DGKK: variants seen among roughly 807,000 people sequenced by gnomAD.
DGKK encodes 142 kDa diacylglycerol kinase.
Under a neutral mutation model 92.2 loss-of-function variants are expected in DGKK, and 35 were observed. That is an observed-to-expected ratio of 0.38 (90% confidence interval 0.29 to 0.50). The LOEUF (loss-of-function observed/expected upper bound fraction) is 0.50, where lower values mean the gene tolerates loss of function less well. Among genes scored for constraint, DGKK ranks in the 20% least tolerant of loss-of-function variants. The pLI is 0.92. For missense variants in DGKK, 910 were observed against 992.2 expected, an observed-to-expected ratio of 0.92 and a Z score of 1.11; for synonymous variants, 368 against 360.6, an observed-to-expected ratio of 1.02 and a Z score of -0.23.
intron 1 of DGKK, among the ~76,000 whole-genome samples, chrX:50,462,782 G>C (rs894132957): frequency 9.5e-6 from 1 of 105,324 alleles, no homozygotes; most frequent in African/African-American, 3.4e-5. Flanking sequence ...CTCCCTAGTA[G>C]GATTTTTCTT....
chrX:50,419,204 T>C (rs1925510519), intron 4 of DGKK, among the ~76,000 whole-genome samples: 2 of 111,653 alleles, frequency 1.8e-5, no homozygotes, highest in Admixed American at 9.5e-5. Context: ...GATCTCTCAA[T>C]TTAAGCATAT....
chrX:50,469,183 A>G (rs1402590465), intron 1 of DGKK, among the ~76,000 whole-genome samples: 1 of 111,120 alleles, frequency 9.0e-6, no homozygotes, highest in African/African-American at 3.3e-5. Flanking sequence ...ACTGGTAGAG[A>G]TGAAGGTTCC....
At chrX:50,462,390 C>CTTTTTTTTTTTTTTTTTTTTTTGGGTTTT (rs782504562) in intron 1 of DGKK, among the ~76,000 whole-genome samples, 1 of 60,493 alleles carries the variant, frequency 1.7e-5, no homozygotes, top group African/African-American at 7.4e-5. Context: ...GAAGTGAGTG[C>CTTTTTTTTTTTTTTTTTTTTTTGGGTTTT]TTTTTTTTTT....
chrX:50,370,400 C>T (rs782384452), intron 27 of DGKK, 26 bp downstream of exon 27: 2 of 1,179,155 alleles, frequency 1.7e-6, no homozygotes, highest in African/African-American at 3.5e-5. Flanking sequence ...GTCTTCATGA[C>T]CCCTCTGCCT....
intron 4 of DGKK, among the ~76,000 whole-genome samples, chrX:50,407,237 T>C (rs180937549): frequency 7.6e-4 from 85 of 111,953 alleles, no homozygotes; most frequent in Non-Finnish European, 1.2e-3. Context: ...TATAGTAATA[T>C]GTGATAGGGA....
Position 50,407,885 on chromosome X carries a change from C to A in DGKK, c.943-3701G>T, listed in dbSNP as rs1364175344. 8.0e-5 allele frequency among the ~76,000 whole-genome samples: 9 copies of A among 112,423 alleles called. No homozygotes were observed. The Admixed American group carries it at 8.4e-4, about 11-fold the overall frequency. Reference sequence around the variant, plus strand: ...TTCAGCAGAACACTGTCAGATTGGACTGAACTTGGACTTAAGGGTACAGAT... The same window carrying A: ...TTCAGCAGAACACTGTCAGATTGGAATGAACTTGGACTTAAGGGTACAGAT... On this transcript the variant is annotated intron_variant, in intron 4 of 27. Coordinates refer to ENST00000611977, the MANE Select transcript of DGKK (RefSeq NM_001013742.4).
chrX:50,399,785 C>T (rs1183137675), intron 8 of DGKK, among the ~76,000 whole-genome samples: 6 of 111,777 alleles, frequency 5.4e-5, no homozygotes, highest in Admixed American at 4.8e-4. Flanking sequence ...TGATTTTGAT[C>T]TTGACAGTTC....
At chrX:50,430,306 G>A (rs1925855135) in intron 1 of DGKK, among the ~76,000 whole-genome samples, 1 of 112,052 alleles carries the variant, frequency 8.9e-6, no homozygotes, top group Non-Finnish European at 1.9e-5. Context: ...AATAATTTAG[G>A]AAGGGCTGTA....
intron 20 of DGKK, 80 bp from the exon 21 acceptor site, chrX:50,378,771 C>A: frequency 1.3e-6 from 1 of 764,969 alleles, no homozygotes; most frequent in Non-Finnish European, 1.9e-6. Context: ...TGTTTAAAGG[C>A]TCCTGGTGAG....
rs782706024 is a variant in DGKK, at chrX:50,424,248, C to T, written c.756G>A (p.Ala252=). ...GQKLYFAHHP[A]FAHFETIDLS... is the part of the protein sequence containing the mutation. Reference sequence around the variant, plus strand: ...TAGTTGACAATATGCTATACATTACCGCGGGATGGTGTGCAAAGTAGAGCT... The same window carrying T: ...TAGTTGACAATATGCTATACATTACTGCGGGATGGTGTGCAAAGTAGAGCT... Residue 252 remains alanine (A), a splice_region_variant and synonymous_variant, in exon 2 of 28, where the codon GCG becomes GCA. Coordinates refer to ENST00000611977, the MANE Select transcript of DGKK (RefSeq NM_001013742.4). 2.7e-5 allele frequency: 33 copies of T among 1,206,373 alleles called. No individual in the cohort carries two copies. The highest frequency in any genetic ancestry group is 4.6e-4 in the Middle Eastern group (2 of 4,355).
At chrX:50,441,587 A>G (rs923206260) in intron 1 of DGKK, among the ~76,000 whole-genome samples, 1 of 111,974 alleles carries the variant, frequency 8.9e-6, no homozygotes, top group Admixed American at 9.5e-5. Flanking sequence ...AAAATGTTTT[A>G]TACATTCTGC....
intron 17 of DGKK, 38 bp downstream of exon 17, chrX:50,384,130 A>G: frequency 1.1e-6 from 1 of 913,841 alleles, no homozygotes; most frequent in South Asian, 2.4e-5. Context: ...CAAGAGAAAG[A>G]AAGAAGCCAT....
chrX:50,379,052 C>T lies in DGKK; in HGVS notation c.2863-361G>A, dbSNP rs1211406285. Among the ~76,000 whole-genome samples, 8 of 112,197 alleles carry T rather than the reference C, an allele frequency of 7.1e-5. 1 individual carries two copies. The highest frequency in any genetic ancestry group is 7.5e-4 in the South Asian group (2 of 2,684). On this transcript the variant is annotated intron_variant, in intron 20 of 27. Transcript: ENST00000611977. ...ATGGCCTTGGCCGGGCGCAGTGGCT[C>T]ACACCTGTAATCCCAGCACTTTGGG...
chrX:50,464,455 CTT>C lies in DGKK; in HGVS notation c.645+5577_645+5578del, dbSNP rs1413493381. Among the ~76,000 whole-genome samples the C allele has an allele frequency of 1.1e-3, 125 of 109,699 alleles. 1 individual carries two copies. Among genetic ancestry groups the C allele is most frequent in the African/African-American group, 3.7e-3 (111 of 30,215 alleles). On this transcript the variant is annotated intron_variant, in intron 1 of 27. Coordinates refer to ENST00000611977, the MANE Select transcript of DGKK (RefSeq NM_001013742.4). ...GTCAGGGACCTATCCTTTAATATTT[CTT>C]TCTTTTTTTAATTAAAATGTGTGTA...
chrX:50,403,120 C>A lies in DGKK; in HGVS notation c.1249G>T (p.Glu417Ter). ...AGTCTTTGATAACTGCCACAGCTCT[C>A]ATGACACACTGCACACTGAGAGCTG... ...PVSSQCAVCHESCGSYQRLQD... is the reference protein window; with the variant it reads ...PVSSQCAVCH The change falls in exon 7 of 28, where the codon GAG (glutamate) becomes TAG (stop). Residue 417 changes from glutamate (E) to a stop codon, truncating the protein, a stop_gained. Transcript: ENST00000611977. LOFTEE classifies it high-confidence loss of function. The A allele has an allele frequency of 8.3e-7, 1 of 1,209,398 alleles. No homozygotes were observed.
chrX:50,439,223 T>C (rs1557231093), intron 1 of DGKK, among the ~76,000 whole-genome samples: 1 of 111,733 alleles, frequency 8.9e-6, no homozygotes, highest in East Asian at 2.8e-4. Context: ...TGAGGATTCT[T>C]ATATTAATAT....
chrX:50,465,221 G>A (rs1044640834), intron 1 of DGKK, among the ~76,000 whole-genome samples: 2 of 110,799 alleles, frequency 1.8e-5, no homozygotes, highest in East Asian at 2.8e-4. Context: ...AGTTCCATGG[G>A]CTTTGATGAG....
intron 1 of DGKK, among the ~76,000 whole-genome samples, chrX:50,432,411 A>T (rs1410577817): frequency 4.4e-5 from 5 of 112,709 alleles, no homozygotes; most frequent in African/African-American, 1.6e-4. Context: ...ACATATATAC[A>T]CATATATTCT....
At position 50,470,362 on chromosome X, in the gene DGKK, G is replaced by A. The variant is rs188669823; in HGVS notation, c.317C>T (p.Ala106Val). The A allele has an allele frequency of 7.9e-4, 960 of 1,208,310 alleles. 4 individuals are homozygous for A. In the African/African-American group the frequency reaches 0.014, roughly 17 times the overall value. Residue 106 changes from alanine to valine, a missense_variant, in exon 1 of 28, where the codon GCC (alanine) becomes GTC (valine). Physicochemically the swap from Ala to Val is moderately conservative, Grantham distance 64. Coordinates refer to ENST00000611977, the MANE Select transcript of DGKK (RefSeq NM_001013742.4). ...EPATEPAPEP[A>V]TEPAPEPAPE... ...GGCCGGTTCTGGGGCCGGCTCTGTG[G>A]CAGGTTCTGGGGCCGGCTCTGTGGC...
Sources: gnomAD v4.1 joint callset for allele counts (sites outside exome capture counted in the v4.1 genomes callset) on GRCh38, gnomAD v4.1.1 for gene constraint, MANE v1.5 for transcripts, NCBI Gene and HGNC (gene_info 2026-07-23, HGNC 2026-07-21) for gene names.